ST7: variants seen among roughly 807,000 people sequenced by gnomAD.
The protein encoded by ST7 is suppression of tumorigenicity 7.
In ST7, 28 loss-of-function variants were observed where a neutral mutation model predicts 78.7. That is an observed-to-expected ratio of 0.36 (90% CI 0.26 to 0.49). The LOEUF (loss-of-function observed/expected upper bound fraction) is 0.49. ST7 is among the 20% of genes least tolerant of loss of function. The pLI is 0.99. For synonymous variants in ST7, 247 were observed against 249.6 expected, an observed-to-expected ratio of 0.99 and a Z score of 0.10; for missense variants, 418 against 696.0, an observed-to-expected ratio of 0.60 and a Z score of 4.49.
intron 1 of ST7, among the ~76,000 whole-genome samples, chr7:117,099,047 A>AAAAG (rs1801346577): frequency 1.6e-5 from 1 of 62,904 alleles, no homozygotes; most frequent in African/African-American, 7.4e-5. Flanking sequence ...TCACTTTCGC[A>AAAAG]AAAAAAAAAA....
At chr7:117,094,562 C>T (rs1440482520) in intron 1 of ST7, among the ~76,000 whole-genome samples, 1 of 152,184 alleles carries the variant, frequency 6.6e-6, no homozygotes, top group Non-Finnish European at 1.5e-5. Flanking sequence ...GCTGCTGTGT[C>T]CCCAGAATCT....
chr7:117,038,419 G>T (rs1251189411), intron 1 of ST7, among the ~76,000 whole-genome samples: 1 of 152,114 alleles, frequency 6.6e-6, no homozygotes, highest in South Asian at 2.1e-4. Flanking sequence ...TTTCATTGTG[G>T]ATGTCTTAAT....
At chr7:117,009,511 A>G (rs149585750) in intron 1 of ST7, among the ~76,000 whole-genome samples, 2 of 152,122 alleles carry the variant, frequency 1.3e-5, no homozygotes, top group Non-Finnish European at 2.9e-5. Context: ...CTTTGATTCA[A>G]ATGTATATAA....
intron 1 of ST7, among the ~76,000 whole-genome samples, chr7:117,074,487 A>C (rs1799203870): frequency 6.6e-6 from 1 of 151,908 alleles, no homozygotes; most frequent in South Asian, 2.1e-4. Context: ...AGTAAATCAC[A>C]CCGAAACTGT....
chr7:116,964,269 T>C (rs75000463), intron 1 of ST7, among the ~76,000 whole-genome samples: 1 of 152,370 alleles, frequency 6.6e-6, no homozygotes, highest in African/African-American at 2.4e-5. Flanking sequence ...GTTCTCTTTG[T>C]TAAGCTTTTC....
At chr7:116,964,337 T>A (rs1255845970) in intron 1 of ST7, among the ~76,000 whole-genome samples, 2 of 152,196 alleles carry the variant, frequency 1.3e-5, no homozygotes, top group Non-Finnish European at 2.9e-5. Context: ...ACAAATTGGG[T>A]TTTTTCATTT....
At chr7:117,207,394 G>A (rs966239123) in intron 12 of ST7, among the ~76,000 whole-genome samples, 2 of 151,892 alleles carry the variant, frequency 1.3e-5, no homozygotes, top group Admixed American at 6.6e-5. Flanking sequence ...CACCCGCCAC[G>A]ACCTCCCAAA....
At chr7:117,124,909 G>A (rs1256561465) in intron 3 of ST7, among the ~76,000 whole-genome samples, 1 of 152,082 alleles carries the variant, frequency 6.6e-6, no homozygotes, top group Non-Finnish European at 1.5e-5. Context: ...ATGGCTTTGT[G>A]GTCAGCCGGG....
chr7:116,974,725 A>G (rs1321016527), intron 1 of ST7, among the ~76,000 whole-genome samples: 1 of 152,216 alleles, frequency 6.6e-6, no homozygotes, highest in East Asian at 1.9e-4. Context: ...TGATGACAGT[A>G]TATAGGAGTG....
rs1792154281 is a variant in ST7, at chr7:117,210,009, T to G, written c.1405+72T>G. The G allele has an allele frequency of 2.6e-6, 4 of 1,513,734 alleles. No homozygotes were observed. In the East Asian group the frequency reaches 6.8e-5, roughly 26 times the overall value. 93.8% of individuals were successfully genotyped at this position (1,513,734 alleles called of 1,614,324 possible). Reference sequence around the variant, plus strand: ...TGCTAAAATGTTTTTGCACTGTTTATGATGAATAATGAAGATTTACATATG... The same window carrying G: ...TGCTAAAATGTTTTTGCACTGTTTAGGATGAATAATGAAGATTTACATATG... On this transcript the variant is annotated intron_variant, in intron 13 of 15. Coordinates refer to ENST00000323984, the MANE Select transcript of ST7 (RefSeq NM_001369598.1).
intron 1 of ST7, among the ~76,000 whole-genome samples, chr7:117,084,544 G>T (rs982823541): frequency 6.6e-6 from 1 of 152,126 alleles, no homozygotes; most frequent in African/African-American, 2.4e-5. Context: ...CATATCCTGG[G>T]TCTGCCACTG....
At chr7:117,065,204 CT>C (rs11363365) in intron 1 of ST7, among the ~76,000 whole-genome samples, 65,372 of 91,820 alleles carry the variant, frequency 0.71, 22,980 homozygotes, top group South Asian at 0.79. Context: ...TGGTTCAAGT[CT>C]TTTTTTTTTT....
chr7:116,991,563 A>C (rs1794429963), intron 1 of ST7, among the ~76,000 whole-genome samples: 1 of 152,180 alleles, frequency 6.6e-6, no homozygotes, highest in Non-Finnish European at 1.5e-5. Flanking sequence ...CCCATGATTC[A>C]AATTATCTCC....
intron 10 of ST7, among the ~76,000 whole-genome samples, chr7:117,180,255 C>G (rs1584528126): frequency 6.6e-6 from 1 of 152,164 alleles, no homozygotes; most frequent in African/African-American, 2.4e-5. Flanking sequence ...CAGTGCCTAC[C>G]TACTTCTGCT....
intron 9 of ST7, among the ~76,000 whole-genome samples, chr7:117,169,428 G>C (rs988102916): frequency 6.6e-5 from 10 of 152,178 alleles, no homozygotes; most frequent in African/African-American, 2.2e-4. Flanking sequence ...GAGCCACTAT[G>C]CCTGGCCAGA....
chr7:117,136,044 C>T, intron 7 of ST7, 37 bp from the exon 8 acceptor site: 1 of 1,606,482 alleles, frequency 6.2e-7, no homozygotes, highest in South Asian at 1.1e-5. Context: ...ATGTCCTTGG[C>T]TTTGTAATTG....
intron 10 of ST7, among the ~76,000 whole-genome samples, chr7:117,173,961 G>A (rs560314329): frequency 6.6e-6 from 1 of 152,202 alleles, no homozygotes; most frequent in African/African-American, 2.4e-5. Flanking sequence ...GGGAAAGAAG[G>A]GAGGCAAAAT....
At chr7:117,062,707 G>A (rs1163245321) in intron 1 of ST7, among the ~76,000 whole-genome samples, 1 of 152,164 alleles carries the variant, frequency 6.6e-6, no homozygotes, top group Non-Finnish European at 1.5e-5. Flanking sequence ...TCATGGGTAA[G>A]TTAAATTAAA....
chr7:117,183,153 C>T lies in ST7; in HGVS notation c.1079-6168C>T, dbSNP rs181933057. Among the ~76,000 whole-genome samples, 4 of 151,934 alleles carry T rather than the reference C, an allele frequency of 2.6e-5. No homozygotes were observed. In the East Asian group the frequency reaches 5.8e-4, roughly 22 times the overall value. ...GTTTTAATTTTTTATTGGCTAGGTG[C>T]GGTGGCTCATGCCTGTAATCCCAGC... is the stretch of plus-strand genomic sequence containing the variant. On this transcript the variant is annotated intron_variant, in intron 10 of 15. Coordinates refer to ENST00000323984, the MANE Select transcript of ST7 (RefSeq NM_001369598.1).
Sources: allele counts gnomAD v4.1 joint callset (sites outside exome capture counted in the v4.1 genomes callset), GRCh38; gene constraint gnomAD v4.1.1; transcripts MANE v1.5; gene names NCBI Gene and HGNC (gene_info 2026-07-23, HGNC 2026-07-21).